MAP3K5: variants seen among roughly 807,000 people sequenced by gnomAD.
MAP3K5 encodes the protein ASK-1.
MAP3K5 carries 56 observed loss-of-function variants against 158.7 expected under a neutral mutation model. The ratio of observed to expected loss-of-function variants is 0.35; its 90% confidence interval spans 0.28 to 0.44. The LOEUF is 0.44. MAP3K5 is among the 20% of genes least tolerant of loss of function. The pLI is 1.00. For synonymous variants in MAP3K5, 579 were observed against 601.7 expected (o/e 0.96, Z 0.55); for missense variants, 1,294 against 1,674.8 (o/e 0.77, Z 3.97).
intron 7 of MAP3K5, among the ~76,000 whole-genome samples, chr6:136,673,807 C>G (rs777600188): frequency 4.0e-5 from 6 of 150,428 alleles, no homozygotes; most frequent in Non-Finnish European, 7.4e-5. Context: ...TTACTGTAGC[C>G]CCAGAAAGAG....
At chr6:136,759,444 T>A (rs957246134) in intron 1 of MAP3K5, among the ~76,000 whole-genome samples, 17 of 81,344 alleles carry the variant, frequency 2.1e-4, no homozygotes, top group Non-Finnish European at 8.1e-5. Context: ...AAATAACCTT[T>A]ATACTAAAAC....
At chr6:136,689,687 C>T (rs1780306396) in intron 7 of MAP3K5, among the ~76,000 whole-genome samples, 2 of 152,198 alleles carry the variant, frequency 1.3e-5, no homozygotes, top group South Asian at 2.1e-4. Flanking sequence ...TGCCCACTCT[C>T]TCTTTCCCCT....
At chr6:136,572,512 C>T (rs1774417062) in intron 25 of MAP3K5, among the ~76,000 whole-genome samples, 1 of 152,246 alleles carries the variant, frequency 6.6e-6, no homozygotes, top group Non-Finnish European at 1.5e-5. Context: ...CCGCCTCGGC[C>T]TCCCAAAGTG....
At chr6:136,768,865 A>T (rs1374476573) in intron 1 of MAP3K5, among the ~76,000 whole-genome samples, 1 of 151,844 alleles carries the variant, frequency 6.6e-6, no homozygotes, top group African/African-American at 2.4e-5. Flanking sequence ...GTGAGCCAAG[A>T]TCGTGCCACT....
chr6:136,653,716 C>T (rs976899580), intron 10 of MAP3K5, among the ~76,000 whole-genome samples: 1 of 152,188 alleles, frequency 6.6e-6, no homozygotes, highest in African/African-American at 2.4e-5. Flanking sequence ...TTCTGCAACG[C>T]TTTATCATAC....
intron 2 of MAP3K5, among the ~76,000 whole-genome samples, chr6:136,710,271 T>C (rs1179470454): frequency 6.6e-6 from 1 of 152,206 alleles, no homozygotes; most frequent in Non-Finnish European, 1.5e-5. Flanking sequence ...GAAATTTTCC[T>C]CTCAAGTACC....
chr6:136,629,062 T>C (rs1442319125), intron 14 of MAP3K5: 1 of 152,268 alleles, frequency 6.6e-6, no homozygotes, highest in African/African-American at 2.4e-5. Context: ...AAGAATTTCA[T>C]TCTGAGGCAA....
At chr6:136,599,040 G>A (rs1189017352) in intron 21 of MAP3K5, among the ~76,000 whole-genome samples, 1 of 151,984 alleles carries the variant, frequency 6.6e-6, no homozygotes, top group Non-Finnish European at 1.5e-5. Context: ...GCGTGGTAGT[G>A]GGCACCTACA....
At chr6:136,687,745 G>A (rs984795506) in intron 7 of MAP3K5, among the ~76,000 whole-genome samples, 3 of 152,148 alleles carry the variant, frequency 2.0e-5, no homozygotes, top group Non-Finnish European at 2.9e-5. Flanking sequence ...CAGTTAGAAC[G>A]GTGATCATTA....
At chr6:136,751,927 C>T (rs1783227111) in intron 1 of MAP3K5, among the ~76,000 whole-genome samples, 1 of 152,148 alleles carries the variant, frequency 6.6e-6, no homozygotes, top group Non-Finnish European at 1.5e-5. Context: ...ATCCCAGTGA[C>T]CACAGTAATC....
At chr6:136,570,394 TC>T (rs1188306665) in intron 25 of MAP3K5, among the ~76,000 whole-genome samples, 1 of 152,188 alleles carries the variant, frequency 6.6e-6, no homozygotes, top group African/African-American at 2.4e-5. Flanking sequence ...CTACTTTTGC[TC>T]CATAGATGAG....
At chr6:136,600,981 A>C (rs2277100) in intron 21 of MAP3K5, 41 bp downstream of exon 21, 1 of 1,607,950 alleles carries the variant, frequency 6.2e-7, no homozygotes, top group Non-Finnish European at 8.5e-7. Flanking sequence ...CACACCAGAC[A>C]CCAGGTCTCA....
chr6:136,678,342 A>G (rs1304919889), intron 7 of MAP3K5, among the ~76,000 whole-genome samples: 1 of 152,202 alleles, frequency 6.6e-6, no homozygotes, highest in Non-Finnish European at 1.5e-5. Flanking sequence ...GATCACTCTC[A>G]TAAAACAAAA....
chr6:136,601,556 T>G (rs1425001547), intron 20 of MAP3K5, among the ~76,000 whole-genome samples: 1 of 152,214 alleles, frequency 6.6e-6, no homozygotes, highest in Non-Finnish European at 1.5e-5. Context: ...ATATAGATGG[T>G]GACATATTAA....
chr6:136,620,986 T>C (rs994324708), intron 15 of MAP3K5, among the ~76,000 whole-genome samples: 1 of 152,204 alleles, frequency 6.6e-6, no homozygotes, highest in Non-Finnish European at 1.5e-5. Flanking sequence ...CTATGTGAGA[T>C]TCAACTCATT....
chr6:136,586,252 A>G (rs1475545235), intron 23 of MAP3K5, among the ~76,000 whole-genome samples: 1 of 152,242 alleles, frequency 6.6e-6, no homozygotes, highest in Non-Finnish European at 1.5e-5. Context: ...CAAGAAGAAA[A>G]ATGTGAGTTA....
At chr6:136,578,918 C>T (rs1197177709) in intron 25 of MAP3K5, among the ~76,000 whole-genome samples, 2 of 151,642 alleles carry the variant, frequency 1.3e-5, no homozygotes, top group African/African-American at 4.8e-5. Context: ...CGCCTGTAAT[C>T]ACAGCACTTT....
At chr6:136,643,905 T>C (rs1464221209) in intron 11 of MAP3K5, among the ~76,000 whole-genome samples, 1 of 151,918 alleles carries the variant, frequency 6.6e-6, no homozygotes, top group African/African-American at 2.4e-5. Context: ...CTTCTAAATA[T>C]ATATATATAT....
intron 11 of MAP3K5, 80 bp downstream of exon 11, chr6:136,650,904 T>C (rs774926046): frequency 1.3e-6 from 1 of 771,426 alleles, no homozygotes; most frequent in Non-Finnish European, 2.1e-6. Context: ...AACACAGACA[T>C]TTGCTGGAGT....
Sources: allele counts gnomAD v4.1 joint callset (sites outside exome capture counted in the v4.1 genomes callset), GRCh38; gene constraint gnomAD v4.1.1; transcripts MANE v1.5; gene names NCBI Gene and HGNC (gene_info 2026-07-23, HGNC 2026-07-21).